Variants in MCPH1 observed in about 807,000 individuals in gnomAD.
MCPH1 encodes the protein microcephalin.
Under a neutral mutation model 84.5 loss-of-function variants are expected in MCPH1, and 104 were observed. The observed-to-expected ratio is 1.23, with a 90% CI of 1.05 to 1.45. MCPH1 has a LOEUF of 1.45. Among genes scored for constraint, MCPH1 ranks in the 40% most tolerant of loss-of-function variants. The pLI, the probability that MCPH1 is intolerant of heterozygous loss-of-function variation, is 0.00. For missense variants in MCPH1, 1,498 were observed against 1,005.7 expected (o/e 1.49, Z -6.62); for synonymous variants, 514 against 366.8 (o/e 1.40, Z -4.58).
At chr8:6,642,069 C>T (rs531599652) in intron 13 of MCPH1, among the ~76,000 whole-genome samples, 1 of 152,252 alleles carries the variant, frequency 6.6e-6, no homozygotes, top group East Asian at 1.9e-4. Context: ...AGATTAAACC[C>T]ATTTTTTTCT....
At position 6,456,798 on chromosome 8, in the gene MCPH1, G is replaced by A. The variant is rs568904895; in HGVS notation, c.1935+1546G>A. On this transcript the variant is annotated intron_variant, in intron 9 of 13. Transcript: ENST00000344683. The stretch of plus-strand genomic sequence containing the variant: ...CACAGTGGAAGTTACTGTTTCAGAC[G>A]AGTGGTATTGCCTCCCTGTGCCTGG... Among the ~76,000 whole-genome samples the A allele has an allele frequency of 1.5e-4, 23 of 152,228 alleles. No individual in the cohort carries two copies. The East Asian group carries it at 1.5e-3, about 10-fold the overall frequency.
intron 8 of MCPH1, among the ~76,000 whole-genome samples, chr8:6,450,131 C>A (rs1329443906): frequency 6.6e-6 from 1 of 152,150 alleles, no homozygotes; most frequent in African/African-American, 2.4e-5. Context: ...TGGTCATGTC[C>A]AACTACCAGG....
At chr8:6,469,674 A>G (rs1470217670) in intron 9 of MCPH1, among the ~76,000 whole-genome samples, 1 of 152,236 alleles carries the variant, frequency 6.6e-6, no homozygotes, top group Admixed American at 6.5e-5. Flanking sequence ...ACTGATAGCT[A>G]AACCCAAAAG....
intron 12 of MCPH1, among the ~76,000 whole-genome samples, chr8:6,594,650 T>C (rs1301325895): frequency 2.6e-4 from 39 of 151,886 alleles, no homozygotes; most frequent in Admixed American, 2.2e-3. Context: ...AAGAAAGTAC[T>C]GACGCTACGA....
intron 13 of MCPH1, among the ~76,000 whole-genome samples, chr8:6,642,478 G>T (rs1024154072): frequency 6.6e-6 from 1 of 152,184 alleles, no homozygotes; most frequent in Admixed American, 6.5e-5. Context: ...GAGCTATGAA[G>T]AACAGAGTTT....
At chr8:6,616,230 G>C (rs1348053536) in intron 12 of MCPH1, 1 of 152,138 alleles carries the variant, frequency 6.6e-6, no homozygotes, top group Admixed American at 6.6e-5. Context: ...AAGACAGTTA[G>C]CAGGCCAAGG....
intron 13 of MCPH1, among the ~76,000 whole-genome samples, chr8:6,641,142 T>G (rs1797910368): frequency 6.6e-6 from 1 of 152,252 alleles, no homozygotes; most frequent in Non-Finnish European, 1.5e-5. Context: ...GTTTTCTTTT[T>G]GAAAAGTTTG....
chr8:6,423,491 C>T (rs1278107666), intron 3 of MCPH1, among the ~76,000 whole-genome samples: 2 of 152,156 alleles, frequency 1.3e-5, no homozygotes, highest in Non-Finnish European at 2.9e-5. Context: ...CTTTTTATTA[C>T]AGGTCATTTT....
intron 8 of MCPH1, among the ~76,000 whole-genome samples, chr8:6,447,779 G>A (rs115338035): frequency 0.01 from 1,548 of 152,184 alleles, 26 homozygotes; most frequent in African/African-American, 0.035. Context: ...TTGAACTCGC[G>A]ACCTCATGAT....
chr8:6,441,290 T>C (rs1195363093), intron 6 of MCPH1, among the ~76,000 whole-genome samples: 5 of 152,218 alleles, frequency 3.3e-5, no homozygotes, highest in Admixed American at 3.3e-4. Context: ...AACTTTACTT[T>C]TTCTATTACT....
chr8:6,478,212 C>T (rs928187945), intron 10 of MCPH1, among the ~76,000 whole-genome samples: 1 of 152,166 alleles, frequency 6.6e-6, no homozygotes, highest in African/African-American at 2.4e-5. Flanking sequence ...AACATTGGAA[C>T]ATTTCAGTGA....
intron 12 of MCPH1, among the ~76,000 whole-genome samples, chr8:6,543,745 C>T (rs898663924): frequency 3.3e-5 from 5 of 152,156 alleles, no homozygotes; most frequent in Admixed American, 1.3e-4. Flanking sequence ...TCTGTCCCTT[C>T]GACCTCTGGT....
At chr8:6,512,949 T>G (rs976281482) in intron 12 of MCPH1, among the ~76,000 whole-genome samples, 3 of 152,224 alleles carry the variant, frequency 2.0e-5, no homozygotes, top group Non-Finnish European at 4.4e-5. Flanking sequence ...TGAAGACAAT[T>G]GAATGTGTTT....
intron 9 of MCPH1, among the ~76,000 whole-genome samples, chr8:6,459,932 A>T (rs1806094040): frequency 6.6e-6 from 1 of 152,132 alleles, no homozygotes; most frequent in Non-Finnish European, 1.5e-5. Flanking sequence ...TGGCCCGGGG[A>T]TGGATGCAGA....
chr8:6,523,848 A>C (rs1159907364), intron 12 of MCPH1, among the ~76,000 whole-genome samples: 1 of 150,888 alleles, frequency 6.6e-6, no homozygotes, highest in Non-Finnish European at 1.5e-5. Context: ...CGGCCTTCCA[A>C]AGTGCTGGAA....
chr8:6,520,089 G>T, intron 12 of MCPH1: 3 of 1,406,950 alleles, frequency 2.1e-6, no homozygotes, highest in Non-Finnish European at 9.6e-7. Flanking sequence ...TTATTACTTT[G>T]GAATTCTTAA....
intron 12 of MCPH1, among the ~76,000 whole-genome samples, chr8:6,574,949 A>G (rs1444019544): frequency 1.3e-5 from 2 of 152,332 alleles, no homozygotes; most frequent in Non-Finnish European, 2.9e-5. Context: ...CAAACAGGAT[A>G]AATAAAATGA....
chr8:6,584,019 G>A lies in MCPH1; in HGVS notation c.2215-37435G>A, dbSNP rs534651919. On this transcript the variant is annotated intron_variant, in intron 12 of 13. Transcript: ENST00000344683. ...CGAAACTCCCACCAGTCTGACGCAC[G>A]CATGGGTTTTCTGGCAACATTTGCC... is the stretch of plus-strand genomic sequence containing the variant. Among the ~76,000 whole-genome samples the A allele has an allele frequency of 5.9e-5, 9 of 152,138 alleles. No homozygotes were observed. The East Asian group carries it at 1.2e-3, about 20-fold the overall frequency.
chr8:6,524,215 A>G (rs1817920019), intron 12 of MCPH1, among the ~76,000 whole-genome samples: 1 of 152,186 alleles, frequency 6.6e-6, no homozygotes, highest in Non-Finnish European at 1.5e-5. Context: ...TGAGTCCCGT[A>G]TAAGTCAGCT....
Sources: allele counts gnomAD v4.1 joint callset (sites outside exome capture counted in the v4.1 genomes callset), GRCh38; gene constraint gnomAD v4.1.1; transcripts MANE v1.5; gene names NCBI Gene and HGNC (gene_info 2026-07-23, HGNC 2026-07-21).